The following CLINT1 variants were observed in gnomAD, a reference collection of about 807,000 sequenced individuals.
CLINT1 encodes clathrin interacting protein localized in the trans-Golgi region.
A neutral mutation model predicts 70.4 loss-of-function variants in CLINT1; 15 were observed. That is an observed-to-expected ratio of 0.21 (90% confidence interval 0.14 to 0.33). CLINT1 has a LOEUF of 0.33. Ranked by LOEUF, CLINT1 falls within the 10% of genes least tolerant of loss-of-function variation. The pLI, the probability that CLINT1 is intolerant of heterozygous loss-of-function variation, is 1.00. For missense variants in CLINT1, 615 were observed against 778.1 expected, an observed-to-expected ratio of 0.79 and a Z score of 2.49; for synonymous variants, 227 against 254.7, an observed-to-expected ratio of 0.89 and a Z score of 1.04.
At chr5:157,801,082 A>G (rs1002986723) in intron 8 of CLINT1, among the ~76,000 whole-genome samples, 1 of 152,280 alleles carries the variant, frequency 6.6e-6, no homozygotes, top group African/African-American at 2.4e-5. Flanking sequence ...ATAAAAATAT[A>G]TCACATAAAT....
chr5:157,858,177 C>A (rs1529698), intron 1 of CLINT1, among the ~76,000 whole-genome samples: 127 of 152,240 alleles, frequency 8.3e-4, no homozygotes, highest in Admixed American at 2.8e-3. Context: ...AGGATATAAA[C>A]CTGGGTTGTT....
intron 1 of CLINT1, among the ~76,000 whole-genome samples, chr5:157,853,205 G>A (rs998501296): frequency 6.6e-6 from 1 of 152,026 alleles, no homozygotes; most frequent in African/African-American, 2.4e-5. Flanking sequence ...TGGGCATGGT[G>A]GCACATGCCT....
At chr5:157,802,625 A>C (rs1762262260) in intron 8 of CLINT1, among the ~76,000 whole-genome samples, 1 of 150,620 alleles carries the variant, frequency 6.6e-6, no homozygotes, top group Non-Finnish European at 1.5e-5. Context: ...CGTTCACTGC[A>C]ACCTCCGCCT....
chr5:157,814,326 G>A (rs1762646818), intron 3 of CLINT1, 33 bp from the exon 4 acceptor site: 1 of 1,403,116 alleles, frequency 7.1e-7, no homozygotes, highest in African/African-American at 1.4e-5. Context: ...ATGATTTAAT[G>A]AAATATATTC....
chr5:157,793,287 G>C (rs1186170173), intron 9 of CLINT1, among the ~76,000 whole-genome samples: 2 of 151,628 alleles, frequency 1.3e-5, no homozygotes, highest in Non-Finnish European at 2.9e-5. Flanking sequence ...TTAAACTAAG[G>C]CTGCTGGATC....
chr5:157,805,814 C>A, intron 7 of CLINT1, 52 bp downstream of exon 7: 1 of 1,599,456 alleles, frequency 6.3e-7, no homozygotes, highest in Non-Finnish European at 8.6e-7. Context: ...ATTCGAAGAG[C>A]GGTTTATAAA....
At chr5:157,815,173 A>T (rs1375177061) in intron 3 of CLINT1, among the ~76,000 whole-genome samples, 1 of 151,310 alleles carries the variant, frequency 6.6e-6, no homozygotes, top group Non-Finnish European at 1.5e-5. Flanking sequence ...TGTGGCGCAC[A>T]CCTGTAGTCC....
intron 1 of CLINT1, among the ~76,000 whole-genome samples, chr5:157,853,001 TGTGAA>T (rs919442138): frequency 2.3e-4 from 35 of 152,362 alleles, no homozygotes; most frequent in African/African-American, 8.4e-4. Context: ...ACTTTGAATC[TGTGAA>T]GTGATCTTCA....
At chr5:157,791,570 C>G in intron 10 of CLINT1, 133 bp downstream of exon 10, 1 of 793,564 alleles carries the variant, frequency 1.3e-6, no homozygotes, top group Non-Finnish European at 2.0e-6. Context: ...CGTATATATA[C>G]ACACACAGAC....
At chr5:157,838,100 C>T (rs950497369) in intron 1 of CLINT1, among the ~76,000 whole-genome samples, 1 of 150,494 alleles carries the variant, frequency 6.6e-6, no homozygotes, top group African/African-American at 2.4e-5. Flanking sequence ...CAATTTAATC[C>T]AATTTAAGTC....
rs756664963 is a variant in CLINT1, at chr5:157,805,845, G to A, written c.942+21C>T. ...ATAAAAATAAAACCATGTATAATGTGTAAACTACTGCCATTCCCACCTTAA... is the reference window on the plus strand; with the variant it reads ...ATAAAAATAAAACCATGTATAATGTATAAACTACTGCCATTCCCACCTTAA... On this transcript the variant is annotated intron_variant, in intron 7 of 11. Transcript: ENST00000411809. 3.7e-6 allele frequency: 6 copies of A among 1,613,666 alleles called. No homozygotes were observed. In the Middle Eastern group the frequency reaches 4.9e-4, roughly 133 times the overall value.
chr5:157,816,442 G>A (rs1452295229), intron 3 of CLINT1, among the ~76,000 whole-genome samples: 5 of 152,010 alleles, frequency 3.3e-5, no homozygotes, highest in African/African-American at 1.2e-4. Flanking sequence ...CACTAAACAT[G>A]CACACTACTC....
At chr5:157,840,095 T>G (rs941066997) in intron 1 of CLINT1, among the ~76,000 whole-genome samples, 5 of 145,144 alleles carry the variant, frequency 3.4e-5, no homozygotes, top group African/African-American at 1.0e-4. Context: ...CTCAGGAGGT[T>G]AAGGCAGGAG....
chr5:157,821,715 A>G (rs1762884324), intron 1 of CLINT1, among the ~76,000 whole-genome samples: 1 of 152,218 alleles, frequency 6.6e-6, no homozygotes, highest in Admixed American at 6.5e-5. Context: ...TTTAAATGTA[A>G]CAGTTACAAC....
intron 1 of CLINT1, among the ~76,000 whole-genome samples, chr5:157,824,658 C>G (rs911096420): frequency 2.0e-5 from 3 of 152,174 alleles, no homozygotes; most frequent in African/African-American, 7.2e-5. Flanking sequence ...ATAGTACTCC[C>G]TCCATATTGC....
At chr5:157,819,634 G>A (rs1230321389) in intron 1 of CLINT1, among the ~76,000 whole-genome samples, 1 of 152,206 alleles carries the variant, frequency 6.6e-6, no homozygotes, top group Non-Finnish European at 1.5e-5. Context: ...TATCCTGGTG[G>A]CTGAAGAATG....
At chr5:157,793,406 G>A (rs1034226905) in intron 9 of CLINT1, among the ~76,000 whole-genome samples, 1 of 152,138 alleles carries the variant, frequency 6.6e-6, no homozygotes, top group Admixed American at 6.5e-5. Context: ...TATCTGAAAT[G>A]ATTAATCGTG....
intron 1 of CLINT1, among the ~76,000 whole-genome samples, chr5:157,844,285 T>C (rs1753293890): frequency 1.3e-5 from 2 of 152,338 alleles, no homozygotes; most frequent in Middle Eastern, 3.4e-3. Flanking sequence ...TAATCTGCAC[T>C]ATTTGATTAG....
At chr5:157,813,279 T>A in intron 4 of CLINT1, 52 bp from the exon 5 acceptor site, 4 of 1,472,518 alleles carry the variant, frequency 2.7e-6, no homozygotes, top group Non-Finnish European at 3.6e-6. Flanking sequence ...TTAATATGTA[T>A]CAAGCTCTTT....
Sources: gnomAD v4.1 joint callset for allele counts (sites outside exome capture counted in the v4.1 genomes callset) on GRCh38, gnomAD v4.1.1 for gene constraint, MANE v1.5 for transcripts, NCBI Gene and HGNC (gene_info 2026-07-23, HGNC 2026-07-21) for gene names.